The following HDAC9 variants were observed in gnomAD, a reference collection of about 807,000 sequenced individuals.
The protein encoded by HDAC9 is histone deacetylase 9, also known as MEF-2 interacting transcription repressor (MITR) protein.
In HDAC9, 41 loss-of-function variants were observed where a neutral mutation model predicts 139.4. The observed-to-expected ratio is 0.29, with a 90% CI of 0.23 to 0.38. HDAC9 has a LOEUF of 0.38. Among genes scored for constraint, HDAC9 ranks in the 10% least tolerant of loss-of-function variants. HDAC9 has a pLI of 1.00. For synonymous variants in HDAC9, 517 were observed against 476.2 expected, an observed-to-expected ratio of 1.09 and a Z score of -1.12; for missense variants, 1,147 against 1,297.0, an observed-to-expected ratio of 0.88 and a Z score of 1.78.
At chr7:18,468,257 C>T (rs1312383177) in intron 1 of HDAC9, among the ~76,000 whole-genome samples, 1 of 152,164 alleles carries the variant, frequency 6.6e-6, no homozygotes, top group Non-Finnish European at 1.5e-5. Flanking sequence ...AGGGTATCTA[C>T]ATAAATCATT....
At chr7:18,626,793 G>T (rs1841841056) in intron 6 of HDAC9, among the ~76,000 whole-genome samples, 1 of 152,114 alleles carries the variant, frequency 6.6e-6, no homozygotes, top group Non-Finnish European at 1.5e-5. Context: ...ATTTCTTTCT[G>T]AAAATCTTGG....
At chr7:18,547,857 T>TTCCTTCCCTCCCTCCCTCCCTCCC (rs1563229989) in intron 2 of HDAC9, among the ~76,000 whole-genome samples, 4 of 118,458 alleles carry the variant, frequency 3.4e-5, no homozygotes, top group African/African-American at 1.6e-4. Flanking sequence ...CCTTCCTTCC[T>TTCCTTCCCTCCCTCCCTCCCTCCC]ACCCTCCCTC....
At chr7:18,116,160 C>G (rs187790438) in intron 1 of HDAC9, among the ~76,000 whole-genome samples, 9 of 152,190 alleles carry the variant, frequency 5.9e-5, no homozygotes, top group Admixed American at 4.6e-4. Context: ...ATTTGATATG[C>G]ATTGCTTTGT....
intron 17 of HDAC9, among the ~76,000 whole-genome samples, chr7:18,796,084 T>C (rs1792776822): frequency 6.6e-6 from 1 of 152,196 alleles, no homozygotes; most frequent in South Asian, 2.1e-4. Context: ...AAAATTGGCA[T>C]GTTACGATAC....
intron 21 of HDAC9, among the ~76,000 whole-genome samples, chr7:18,861,615 C>G (rs893271392): frequency 1.2e-4 from 18 of 152,116 alleles, no homozygotes; most frequent in African/African-American, 4.3e-4. Context: ...TCTCTCAACT[C>G]TTAGCTCAGA....
intron 19 of HDAC9, among the ~76,000 whole-genome samples, chr7:18,829,919 A>G (rs1164727476): frequency 1.7e-5 from 2 of 119,952 alleles, no homozygotes; most frequent in Non-Finnish European, 3.4e-5. Flanking sequence ...TTGGTAACCA[A>G]TTGGCCACTT....
chr7:18,466,081 A>C (rs1398597030), intron 1 of HDAC9, among the ~76,000 whole-genome samples: 17 of 152,198 alleles, frequency 1.1e-4, no homozygotes, highest in Admixed American at 1.1e-3. Context: ...TGCTCATGCA[A>C]GTTGGTGGCA....
intron 2 of HDAC9, among the ~76,000 whole-genome samples, chr7:18,570,341 A>T (rs1823863716): frequency 6.6e-6 from 1 of 152,222 alleles, no homozygotes; most frequent in Non-Finnish European, 1.5e-5. Flanking sequence ...CTTTAGACTT[A>T]CCTGAAAATA....
rs531637190 is a variant in HDAC9, at chr7:18,797,344, T to C, written c.2322+3892T>C. The stretch of plus-strand genomic sequence containing the variant: ...AGCAAAATTTTATCTTTTTTATTAT[T>C]ATAAAACATTTGAGACATACAAAAA... On this transcript the variant is annotated intron_variant, in intron 17 of 25. Transcript: ENST00000686413. Among the ~76,000 whole-genome samples, 5 of 152,262 alleles carry C rather than the reference T, an allele frequency of 3.3e-5. 1 individual carries two copies. Among genetic ancestry groups the C allele is most frequent in the African/African-American group, 1.2e-4 (5 of 41,550 alleles).
chr7:18,876,140 C>T (rs1489078241), intron 22 of HDAC9, among the ~76,000 whole-genome samples: 2 of 152,144 alleles, frequency 1.3e-5, no homozygotes, highest in Non-Finnish European at 2.9e-5. Flanking sequence ...TGAAAATAGT[C>T]GCATGGTTTC....
chr7:18,119,991 A>G (rs1320077257), intron 1 of HDAC9, among the ~76,000 whole-genome samples: 1 of 152,160 alleles, frequency 6.6e-6, no homozygotes, highest in Non-Finnish European at 1.5e-5. Flanking sequence ...TTTTGGGGGT[A>G]ATGTATGGGA....
chr7:18,379,555 G>T (rs1158779402), intron 1 of HDAC9, among the ~76,000 whole-genome samples: 1 of 152,192 alleles, frequency 6.6e-6, no homozygotes, highest in Admixed American at 6.5e-5. Flanking sequence ...TGTGCCAGTT[G>T]TGTCTTTTTG....
chr7:18,722,309 G>A (rs1280794340), intron 12 of HDAC9, among the ~76,000 whole-genome samples: 1 of 152,150 alleles, frequency 6.6e-6, no homozygotes, highest in African/African-American at 2.4e-5. Flanking sequence ...TGCTTTTGTG[G>A]AGAGCATGTT....
At chr7:18,641,653 A>G (rs1258683432) in intron 8 of HDAC9, among the ~76,000 whole-genome samples, 1 of 152,144 alleles carries the variant, frequency 6.6e-6, no homozygotes, top group African/African-American at 2.4e-5. Context: ...AAGTATTGGC[A>G]TCATAGCAAA....
chr7:18,478,629 G>A (rs12674423), intron 1 of HDAC9, among the ~76,000 whole-genome samples: 23,554 of 152,144 alleles, frequency 0.15, 2,325 homozygotes, highest in Non-Finnish European at 0.2. Context: ...ATTCAATTTA[G>A]GATTGTACCA....
chr7:18,642,117 C>A (rs4141402), intron 8 of HDAC9, among the ~76,000 whole-genome samples: 2 of 151,854 alleles, frequency 1.3e-5, no homozygotes, highest in Non-Finnish European at 2.9e-5. Flanking sequence ...TCTATGAAGA[C>A]GACATACCAG....
intron 23 of HDAC9, among the ~76,000 whole-genome samples, chr7:18,943,488 G>T (rs1782161511): frequency 6.6e-6 from 1 of 152,000 alleles, no homozygotes. Flanking sequence ...AATATATCAT[G>T]TGCAAACTGT....
intron 1 of HDAC9, among the ~76,000 whole-genome samples, chr7:18,439,246 G>A (rs12666539): frequency 0.034 from 5,142 of 152,184 alleles, 107 homozygotes; most frequent in African/African-American, 0.062. Context: ...TGACTACAAA[G>A]TGTTTCCCTA....
intron 23 of HDAC9, among the ~76,000 whole-genome samples, chr7:18,943,035 C>G (rs1260549416): frequency 6.6e-6 from 1 of 151,956 alleles, no homozygotes; most frequent in African/African-American, 2.4e-5. Flanking sequence ...TACTAAGGCA[C>G]ACAAAGTGAA....
Sources: allele counts gnomAD v4.1 joint callset (sites outside exome capture counted in the v4.1 genomes callset), GRCh38; gene constraint gnomAD v4.1.1; transcripts MANE v1.5; gene names NCBI Gene and HGNC (gene_info 2026-07-23, HGNC 2026-07-21).